OR5B12: variants seen among roughly 807,000 people sequenced by gnomAD.
OR5B12 encodes olfactory receptor family 5 subfamily B member 12, also known as olfactory receptor 5B12.
For synonymous variants in OR5B12, 154 were observed against 138.0 expected (o/e 1.12, Z -0.81); for missense variants, 418 against 377.0 (o/e 1.11, Z -0.90).
At position 58,440,155 on chromosome 11, in the gene OR5B12, G is replaced by T. The variant is rs199719285; in HGVS notation, c.-4C>A. 76 of 1,571,560 alleles carry T rather than the reference G, an allele frequency of 4.8e-5. No homozygotes were observed. Among genetic ancestry groups the T allele is most frequent in the Non-Finnish European group, 6.4e-5 (74 of 1,153,384 alleles). ...TCACCTCTGTGTTGTTCTCCATTGG[G>T]AATTATGTAGCTGCCCTGTAGAAAT... On this transcript the variant is annotated 5_prime_UTR_variant, in exon 2 of 2. Coordinates refer to ENST00000641921, the MANE Select transcript of OR5B12 (RefSeq NM_001004733.3).
rs1438534978 is a variant in OR5B12 at position 58,439,291 on chromosome 11, G to A, written c.861C>T (p.Val287=). ...AIVIPMLNPL[V]YSLRNKEVKS... is the part of the protein sequence containing the mutation. ...TAACCTCTTTGTTCCTCAGGCTGTAGACCAGTGGATTCAACATGGGAATGA... is the reference window on the plus strand; with the variant it reads ...TAACCTCTTTGTTCCTCAGGCTGTAAACCAGTGGATTCAACATGGGAATGA... Residue 287 remains valine, a synonymous_variant, in exon 2 of 2, where the codon GTC becomes GTT. Transcript: ENST00000641921. The A allele has an allele frequency of 1.1e-5, 17 of 1,613,710 alleles. No individual in the cohort carries two copies. Among genetic ancestry groups the A allele is most frequent in the Admixed American group, 1.7e-5 (1 of 59,932 alleles).
intron 1 of OR5B12, among the ~76,000 whole-genome samples, chr11:58,440,634 G>A (rs1855490923): frequency 6.6e-6 from 1 of 152,210 alleles, no homozygotes; most frequent in African/African-American, 2.4e-5. Flanking sequence ...GTAAGTCAAT[G>A]TGAAGAATGG....
Position 58,439,203 on chromosome 11 carries a change from A to G in OR5B12, c.*4T>C. 6.9e-7 allele frequency: 1 copy of G among 1,451,870 alleles called. No individual in the cohort carries two copies. Among genetic ancestry groups the G allele is most frequent in the Non-Finnish European group, 9.4e-7 (1 of 1,063,804 alleles). The allele number at this position is 1,451,870 out of a possible 1,614,324, so 89.9% of individuals were successfully genotyped here. A position where few individuals can be genotyped will look rare whatever the true frequency, so the allele number is the denominator to read the frequency against. On this transcript the variant is annotated 3_prime_UTR_variant, in exon 2 of 2. Transcript: ENST00000641921. ...AAAATTATCTTATTGTGAATTCTTTATAATTAAAATATGAATCCTATAGAG... is the reference window on the plus strand; with the variant it reads ...AAAATTATCTTATTGTGAATTCTTTGTAATTAAAATATGAATCCTATAGAG...
chr11:58,441,172 G>C (rs183856229), intron 1 of OR5B12, among the ~76,000 whole-genome samples: 2 of 152,166 alleles, frequency 1.3e-5, no homozygotes, highest in African/African-American at 4.8e-5. Flanking sequence ...ATTAGCACAT[G>C]AGATTAGGTC....
intron 1 of OR5B12, 32 bp from the exon 2 acceptor site, chr11:58,440,202 T>C: frequency 7.7e-7 from 1 of 1,297,188 alleles, no homozygotes; most frequent in Middle Eastern, 2.0e-4. Flanking sequence ...ATCAGAATGA[T>C]AAATGGAGGG....
intron 1 of OR5B12, among the ~76,000 whole-genome samples, chr11:58,441,152 T>C (rs1448569619): frequency 6.6e-6 from 1 of 152,208 alleles, no homozygotes; most frequent in East Asian, 1.9e-4. Context: ...CAGATGTTTT[T>C]AGTGACAGAA....
In OR5B12 at chr11:58,439,261, ACTCTTAAC is replaced by A. The variant is rs1482483418; in HGVS notation, c.883_890del (p.Val295CysfsTer3). On this transcript the variant is annotated frameshift_variant, in exon 2 of 2. Coordinates refer to ENST00000641921, the MANE Select transcript of OR5B12 (RefSeq NM_001004733.3). LOFTEE classifies it low-confidence loss of function (END_TRUNC). Reference sequence around the variant, plus strand: ...CCTTCCCTACAGTCTTTTTAAAGGCACTCTTAACCTCTTTGTTCCTCAGGCTGTAGACC... The same window carrying A: ...CCTTCCCTACAGTCTTTTTAAAGGCACTCTTTGTTCCTCAGGCTGTAGACC... 1 of 1,612,594 alleles carries A rather than the reference ACTCTTAAC, an allele frequency of 6.2e-7. No homozygotes were observed. The highest frequency in any genetic ancestry group is 1.7e-5 in the Admixed American group (1 of 59,740).
intron 1 of OR5B12, 70 bp from the exon 2 acceptor site, chr11:58,440,240 A>C: frequency 1.0e-6 from 1 of 985,024 alleles, no homozygotes; most frequent in Non-Finnish European, 1.5e-6. Flanking sequence ...TCAGCATGCC[A>C]TTTTTTTGCT....
chr11:58,439,968 T>C lies in OR5B12; in HGVS notation c.184A>G (p.Ser62Gly), dbSNP rs1241604606. 5.6e-6 allele frequency: 9 copies of C among 1,614,012 alleles called. No individual in the cohort carries two copies. The highest frequency in any genetic ancestry group is 7.6e-6 in the Non-Finnish European group (9 of 1,180,036). ...CLHTPMYFFL[S>G]NLSLVDFGYS... The stretch of plus-strand genomic sequence containing the variant: ...CCAAAGTCCACCAGGGAGAGGTTAC[T>C]GAGGAAGAAGTACATGGGGGTGTGG... The change falls in exon 2 of 2, where the codon AGT (serine) becomes GGT (glycine). Residue 62 changes from serine to glycine, a missense_variant. Physicochemically the swap from Ser to Gly is moderately conservative, Grantham distance 56. Transcript: ENST00000641921.
Position 58,440,143 on chromosome 11 carries a change from G to C in OR5B12, c.9C>G (p.Asn3Lys). The change falls in exon 2 of 2, where the codon AAC (asparagine) becomes AAG (lysine). Residue 3 changes from asparagine to lysine, a missense_variant. By Grantham distance (94) the Asn-to-Lys change is moderately conservative. Transcript: ENST00000641921. Reference protein sequence around the residue: MENNTEVTEFILV... With the variant: MEKNTEVTEFILV... ...GGATGAATTCAGTCACCTCTGTGTT[G>C]TTCTCCATTGGGAATTATGTAGCTG... The C allele has an allele frequency of 6.3e-7, 1 of 1,593,512 alleles. No individual in the cohort carries two copies. Among genetic ancestry groups the C allele is most frequent in the South Asian group, 1.1e-5 (1 of 87,512 alleles).
chr11:58,440,228 A>T, intron 1 of OR5B12, 58 bp from the exon 2 acceptor site: 1 of 1,049,520 alleles, frequency 9.5e-7, no homozygotes, highest in Non-Finnish European at 1.4e-6. Flanking sequence ...TACTGAGATC[A>T]ATCAGCATGC....
intron 1 of OR5B12, among the ~76,000 whole-genome samples, chr11:58,440,949 A>G (rs755024839): frequency 2.0e-5 from 3 of 152,208 alleles, no homozygotes; most frequent in Non-Finnish European, 4.4e-5. Flanking sequence ...TGCAAGAGAT[A>G]CATTTCCTGA....
At position 58,439,383 on chromosome 11, in the gene OR5B12, A is replaced by T. The variant is rs752451705; in HGVS notation, c.769T>A (p.Tyr257Asn). The change falls in exon 2 of 2, where the codon TAC (tyrosine) becomes AAC (asparagine). Residue 257 changes from tyrosine (Y) to asparagine (N), a missense_variant. Physicochemically the swap from Tyr to Asn is moderately radical, Grantham distance 143 (BLOSUM62 -2). Coordinates refer to ENST00000641921, the MANE Select transcript of OR5B12 (RefSeq NM_001004733.3). ...SIFYGTGIFMYLRPNSSHFMG... is the reference protein window; with the variant it reads ...SIFYGTGIFMNLRPNSSHFMG... ...AAATGGCTGGAGTTAGGTCGTAAGTACATAAAGATTCCTGTCCCATAAAAG... is the reference window on the plus strand; with the variant it reads ...AAATGGCTGGAGTTAGGTCGTAAGTTCATAAAGATTCCTGTCCCATAAAAG... The T allele has an allele frequency of 6.2e-7, 1 of 1,614,084 alleles. No homozygotes were observed. Among genetic ancestry groups the T allele is most frequent in the Non-Finnish European group, 8.5e-7 (1 of 1,180,024 alleles).
At chr11:58,441,952 A>G (rs1032427977) in intron 1 of OR5B12, 94 bp downstream of exon 1, 2 of 152,220 alleles carry the variant, frequency 1.3e-5, no homozygotes, top group African/African-American at 4.8e-5. Flanking sequence ...ATCCCTGATT[A>G]AACCAAAGGA....
intron 1 of OR5B12, among the ~76,000 whole-genome samples, chr11:58,440,554 C>T (rs1855490015): frequency 6.6e-6 from 1 of 152,118 alleles, no homozygotes; most frequent in African/African-American, 2.4e-5. Context: ...TACATTCAGT[C>T]TAAACTGGGC....
Position 58,439,638 on chromosome 11 carries a change from C to A in OR5B12, c.514G>T (p.Val172Phe). 6.2e-7 allele frequency: 1 copy of A among 1,614,060 alleles called. No individual in the cohort carries two copies. Among genetic ancestry groups the A allele is most frequent in the Admixed American group, 1.7e-5 (1 of 59,966 alleles). ...GGAGCATCACAGAAAAAGTGTTCAA[C>A]TACATTGGATCTACAGAAGGAGAGC... ...FRLSFCRSNV[V>F]EHFFCDAPPL... Residue 172 changes from valine to phenylalanine, a missense_variant, in exon 2 of 2, where the codon GTT becomes TTT. Transcript: ENST00000641921.
At chr11:58,440,767 C>A (rs1855491899) in intron 1 of OR5B12, among the ~76,000 whole-genome samples, 1 of 152,100 alleles carries the variant, frequency 6.6e-6, no homozygotes, top group South Asian at 2.1e-4. Context: ...TAACTACTTC[C>A]AACCCTTAAA....
Position 58,439,449 on chromosome 11 carries a change from C to A in OR5B12, c.703G>T (p.Ala235Ser), listed in dbSNP as rs1291600554. 4.3e-6 allele frequency: 7 copies of A among 1,613,880 alleles called. No individual in the cohort carries two copies. Among genetic ancestry groups the A allele is most frequent in the African/African-American group, 1.3e-5 (1 of 74,902 alleles). Residue 235 changes from alanine to serine, a missense_variant, in exon 2 of 2, where the codon GCC becomes TCC. By Grantham distance (99) the Ala-to-Ser change is moderately conservative. Coordinates refer to ENST00000641921, the MANE Select transcript of OR5B12 (RefSeq NM_001004733.3). ...KMRSPEGRQK[A>S]FSTCASHLTA... ...AGGTGGGAAGCACAAGTAGAAAAGG[C>A]CTTCTGGCGTCCTTCAGGTGAGCGC...
Position 58,442,038 on chromosome 11 carries a change from AG to A in OR5B12, c.-20+7del, listed in dbSNP as rs1855506681. 6.6e-6 allele frequency: 1 copy of A among 152,348 alleles called. No individual in the cohort carries two copies. The highest frequency in any genetic ancestry group is 3.4e-3 in the Middle Eastern group (1 of 294). 9.4% of individuals were successfully genotyped at this position (152,348 alleles called of 1,614,324 possible). A position where few individuals can be genotyped will look rare whatever the true frequency, so the allele number is the denominator to read the frequency against. On this transcript the variant is annotated splice_region_variant and intron_variant, in intron 1 of 1. Transcript: ENST00000641921. The stretch of plus-strand genomic sequence containing the variant: ...TGTGCAGACAATAGATTTGATCCAG[AG>A]ACTTACCTTTCTCCCTGAGAAATAC...
Sources: gnomAD v4.1 joint callset for allele counts (sites outside exome capture counted in the v4.1 genomes callset) on GRCh38, gnomAD v4.1.1 for gene constraint, MANE v1.5 for transcripts, NCBI Gene and HGNC (gene_info 2026-07-23, HGNC 2026-07-21) for gene names.